Variants in EDA observed in about 807,000 individuals in gnomAD.
EDA encodes the protein ectodysplasin-A.
A neutral mutation model predicts 23.6 loss-of-function variants in EDA; 2 were observed. The observed-to-expected ratio is 0.08, with a 90% confidence interval of 0.03 to 0.27. The LOEUF is 0.27. Ranked by LOEUF, EDA falls within the 10% of genes least tolerant of loss-of-function variation. The pLI, the probability that EDA is intolerant of heterozygous loss-of-function variation, is 1.00. For synonymous variants in EDA, 131 were observed against 132.0 expected, an observed-to-expected ratio of 0.99 and a Z score of 0.05; for missense variants, 229 against 324.2, an observed-to-expected ratio of 0.71 and a Z score of 2.26.
intron 1 of EDA, among the ~76,000 whole-genome samples, chrX:69,921,453 A>G (rs1197998640): frequency 9.0e-6 from 1 of 111,090 alleles, no homozygotes; most frequent in Non-Finnish European, 1.9e-5. Context: ...TGATGTCCCC[A>G]GCGCTAATAC....
At chrX:69,958,029 C>T (rs1026457085) in intron 2 of EDA, among the ~76,000 whole-genome samples, 1 of 112,095 alleles carries the variant, frequency 8.9e-6, no homozygotes, top group African/African-American at 3.2e-5. Context: ...GCCCCTTCAG[C>T]TAGGCAGTGA....
intron 1 of EDA, among the ~76,000 whole-genome samples, chrX:69,822,324 T>A: frequency 9.0e-6 from 1 of 110,995 alleles, no homozygotes; most frequent in Admixed American, 9.7e-5. Flanking sequence ...GCCCTAACTT[T>A]TTACCTTCAA....
intron 1 of EDA, among the ~76,000 whole-genome samples, chrX:69,823,609 A>G (rs2016305508): frequency 1.2e-5 from 1 of 83,176 alleles, no homozygotes; most frequent in African/African-American, 5.0e-5. Context: ...CCTTTGTCAG[A>G]TGAGTAGGTT....
chrX:69,814,402 A>G (rs1377596747), intron 1 of EDA, among the ~76,000 whole-genome samples: 1 of 113,218 alleles, frequency 8.8e-6, no homozygotes, highest in Non-Finnish European at 1.9e-5. Flanking sequence ...GTCTAGCTAT[A>G]TTTAACCCTC....
At chrX:69,815,773 T>C (rs1210619213) in intron 1 of EDA, among the ~76,000 whole-genome samples, 1 of 112,091 alleles carries the variant, frequency 8.9e-6, no homozygotes, top group African/African-American at 3.2e-5. Flanking sequence ...CTGTGGAGAA[T>C]ACAGGTGGTC....
chrX:69,942,800 T>A (rs1351670391), intron 1 of EDA, among the ~76,000 whole-genome samples: 1 of 111,354 alleles, frequency 9.0e-6, no homozygotes, highest in African/African-American at 3.3e-5. Context: ...TCTCTCTCTA[T>A]CTCTTCTTTA....
At chrX:69,888,666 A>G (rs999170013) in intron 1 of EDA, among the ~76,000 whole-genome samples, 4 of 108,601 alleles carry the variant, frequency 3.7e-5, no homozygotes, top group African/African-American at 6.7e-5. Flanking sequence ...GTCAGACAAA[A>G]TAGACTTTAA....
intron 2 of EDA, among the ~76,000 whole-genome samples, chrX:69,966,292 G>T (rs1205571137): frequency 1.8e-5 from 2 of 110,930 alleles, no homozygotes; most frequent in Non-Finnish European, 3.8e-5. Context: ...ACAAAAATAA[G>T]AATTCAGCCG....
intron 1 of EDA, among the ~76,000 whole-genome samples, chrX:69,835,466 CT>C (rs2016747781): frequency 9.0e-6 from 1 of 111,560 alleles, no homozygotes; most frequent in African/African-American, 3.3e-5. Context: ...TTAATTTGAT[CT>C]TCAATCACTG....
intron 1 of EDA, among the ~76,000 whole-genome samples, chrX:69,893,560 T>C (rs913620126): frequency 8.9e-6 from 1 of 112,310 alleles, no homozygotes; most frequent in African/African-American, 3.2e-5. Context: ...CACTATTTTA[T>C]GTTGCTCTTT....
chrX:69,881,479 C>T (rs746156601), intron 1 of EDA, among the ~76,000 whole-genome samples: 3 of 111,216 alleles, frequency 2.7e-5, no homozygotes, highest in African/African-American at 9.8e-5. Context: ...GTGATTTGGT[C>T]ACCAGTTCAG....
At chrX:69,853,287 T>C (rs2017173602) in intron 1 of EDA, among the ~76,000 whole-genome samples, 1 of 111,495 alleles carries the variant, frequency 9.0e-6, no homozygotes, top group Non-Finnish European at 1.9e-5. Flanking sequence ...AGAAATTCCA[T>C]AGATTAAATA....
intron 1 of EDA, among the ~76,000 whole-genome samples, chrX:69,660,225 C>T (rs780809831): frequency 5.4e-5 from 6 of 111,652 alleles, no homozygotes; most frequent in African/African-American, 1.9e-4. Context: ...GGTATTAAAT[C>T]ATGTCTTAGG....
chrX:69,743,588 C>T (rs1281172774), intron 1 of EDA, among the ~76,000 whole-genome samples: 1 of 111,596 alleles, frequency 9.0e-6, no homozygotes, highest in Non-Finnish European at 1.9e-5. Flanking sequence ...CACCATGATA[C>T]CACTTGCCTC....
chrX:69,709,080 G>A (rs192654456), intron 1 of EDA, among the ~76,000 whole-genome samples: 2 of 112,138 alleles, frequency 1.8e-5, no homozygotes, highest in East Asian at 5.6e-4. Flanking sequence ...AGATCATGAT[G>A]GTTCACTGGG....
intron 1 of EDA, among the ~76,000 whole-genome samples, chrX:69,892,572 A>C (rs975459532): frequency 8.9e-6 from 1 of 112,324 alleles, no homozygotes; most frequent in Non-Finnish European, 1.9e-5. Flanking sequence ...AACCAATTGA[A>C]AAATAGATTA....
chrX:70,031,722 A>G (rs2020202654), intron 6 of EDA, among the ~76,000 whole-genome samples: 1 of 112,552 alleles, frequency 8.9e-6, no homozygotes, highest in African/African-American at 3.2e-5. Flanking sequence ...ATAGGAACAC[A>G]ATGGCACCAA....
intron 1 of EDA, among the ~76,000 whole-genome samples, chrX:69,783,449 C>A (rs2015025078): frequency 3.0e-5 from 3 of 100,922 alleles, no homozygotes; most frequent in Admixed American, 2.1e-4. Flanking sequence ...CCCCCAACCC[C>A]ACAACAGTCC....
intron 2 of EDA, among the ~76,000 whole-genome samples, chrX:70,015,633 A>G (rs761299880): frequency 8.9e-6 from 1 of 111,899 alleles, no homozygotes; most frequent in East Asian, 2.8e-4. Context: ...ACTAAGCTTC[A>G]TAAGCAGAGG....
Sources: allele counts gnomAD v4.1 joint callset (sites outside exome capture counted in the v4.1 genomes callset), GRCh38; gene constraint gnomAD v4.1.1; transcripts MANE v1.5; gene names NCBI Gene and HGNC (gene_info 2026-07-23, HGNC 2026-07-21).